FCHSD2: variants seen among roughly 807,000 people sequenced by gnomAD.
FCHSD2 encodes FCH and double SH3 domains 2.
In FCHSD2, 38 loss-of-function variants were observed where a neutral mutation model predicts 108.1. The ratio of observed to expected loss-of-function variants is 0.35; its 90% CI spans 0.27 to 0.46. The LOEUF is 0.46. Among genes scored for constraint, FCHSD2 ranks in the 20% least tolerant of loss-of-function variants. FCHSD2 has a pLI of 1.00. For synonymous variants in FCHSD2, 279 were observed against 314.7 expected, an observed-to-expected ratio of 0.89 and a Z score of 1.20; for missense variants, 751 against 897.8, an observed-to-expected ratio of 0.84 and a Z score of 2.09.
At chr11:72,975,125 A>G (rs2135388782) in intron 8 of FCHSD2, among the ~76,000 whole-genome samples, 1 of 152,346 alleles carries the variant, frequency 6.6e-6, no homozygotes, top group Admixed American at 6.5e-5. Flanking sequence ...AGGGTCATCC[A>G]TGTTATTGCA....
chr11:73,059,487 G>A (rs1171808388), intron 3 of FCHSD2, among the ~76,000 whole-genome samples: 1 of 152,138 alleles, frequency 6.6e-6, no homozygotes, highest in Non-Finnish European at 1.5e-5. Flanking sequence ...TGTCAGATGT[G>A]ACTATCCCTA....
chr11:72,988,993 T>C lies in FCHSD2; in HGVS notation c.492A>G (p.Ala164=), dbSNP rs1170680858. 2 of 1,612,162 alleles carry C rather than the reference T, an allele frequency of 1.2e-6. No individual in the cohort carries two copies. The highest frequency in any genetic ancestry group is 4.5e-5 in the East Asian group (2 of 44,866). ...CCTCGATGTCAGCTTTCTCTCGTAC[T>C]GCATGAGCCATCTGTTCAGTCTCAA... ...KYFETEQMAH[A]VREKADIEAK... Residue 164 remains alanine (A), a synonymous_variant, in exon 6 of 20, where the codon GCA becomes GCG. Transcript: ENST00000409418.
intron 3 of FCHSD2, among the ~76,000 whole-genome samples, chr11:73,079,472 A>G (rs1162605804): frequency 1.3e-5 from 2 of 152,174 alleles, no homozygotes; most frequent in Non-Finnish European, 2.9e-5. Flanking sequence ...TGCTGGGATT[A>G]CAGGCATGAG....
At chr11:72,866,596 G>T (rs1185105185) in intron 13 of FCHSD2, among the ~76,000 whole-genome samples, 3 of 152,116 alleles carry the variant, frequency 2.0e-5, no homozygotes, top group Non-Finnish European at 4.4e-5. Flanking sequence ...AATAACAACT[G>T]GGGAAGTGCT....
At chr11:72,914,102 C>T (rs1855823136) in intron 9 of FCHSD2, among the ~76,000 whole-genome samples, 2 of 152,254 alleles carry the variant, frequency 1.3e-5, no homozygotes, top group African/African-American at 2.4e-5. Flanking sequence ...GCAAACTGCG[C>T]TTCCTGGGTT....
At chr11:72,985,186 A>T in intron 6 of FCHSD2, 70 bp from the exon 7 acceptor site, 1 of 351,282 alleles carries the variant, frequency 2.8e-6, no homozygotes. Flanking sequence ...TACTAAATAT[A>T]TTATTAAAAT....
At chr11:72,872,806 T>C (rs1854889071) in intron 12 of FCHSD2, among the ~76,000 whole-genome samples, 1 of 152,184 alleles carries the variant, frequency 6.6e-6, no homozygotes, top group Non-Finnish European at 1.5e-5. Context: ...TGGGTTTATA[T>C]GTAGGGCTGG....
At chr11:72,896,781 A>G (rs1463636471) in intron 10 of FCHSD2, among the ~76,000 whole-genome samples, 7 of 150,678 alleles carry the variant, frequency 4.6e-5, no homozygotes, top group Non-Finnish European at 7.4e-5. Context: ...AAAAAAAAAA[A>G]AAAAAAAAAG....
intron 2 of FCHSD2, among the ~76,000 whole-genome samples, chr11:73,131,361 CA>C (rs55755311): frequency 0.016 from 1,670 of 101,238 alleles, 15 homozygotes; most frequent in African/African-American, 0.035. Flanking sequence ...ACTAAAAGTA[CA>C]AAAAAAAAAA....
rs1860812819 is a variant in FCHSD2 at position 72,838,835 on chromosome 11, T to A, written c.2179A>T (p.Arg727Trp). ...ACATCTTCAATCTTCTCTGCTGGCC[T>A]TCGGTGATTCTGTGTAGGTGGAGGG... ...APPPPTQNHR[R>W]PAEKIEDVEI... Residue 727 changes from arginine to tryptophan, a missense_variant, in exon 20 of 20, where the codon AGG becomes TGG. By Grantham distance (101) the Arg-to-Trp change is moderately radical. Transcript: ENST00000409418. 1.2e-6 allele frequency: 2 copies of A among 1,608,382 alleles called. No individual in the cohort carries two copies. Among genetic ancestry groups the A allele is most frequent in the Non-Finnish European group, 1.7e-6 (2 of 1,178,268 alleles).
intron 12 of FCHSD2, among the ~76,000 whole-genome samples, chr11:72,886,290 T>C (rs1260453877): frequency 6.6e-6 from 1 of 152,222 alleles, no homozygotes; most frequent in Non-Finnish European, 1.5e-5. Flanking sequence ...CATCTCCTTC[T>C]TTCCTACCTT....
intron 1 of FCHSD2, 144 bp downstream of exon 1, chr11:73,141,712 TG>T: frequency 1.2e-6 from 1 of 849,278 alleles, no homozygotes; most frequent in Non-Finnish European, 1.7e-6. Flanking sequence ...GCCCCCCACC[TG>T]GAGCCGGCGG....
At position 73,035,254 on chromosome 11, in the gene FCHSD2, G is replaced by A. The variant is rs532986931; in HGVS notation, c.166-19369C>T. Among the ~76,000 whole-genome samples, 53 of 152,218 alleles carry A rather than the reference G, an allele frequency of 3.5e-4. 1 individual carries two copies. In the South Asian group the frequency reaches 9.5e-3, roughly 27 times the overall value. ...GTCACCCAGGTTGGAGCGCAGTGGCGCGATCTTGGCTCACTTGCAACCTCC... is the reference window on the plus strand; with the variant it reads ...GTCACCCAGGTTGGAGCGCAGTGGCACGATCTTGGCTCACTTGCAACCTCC... On this transcript the variant is annotated intron_variant, in intron 3 of 19. Transcript: ENST00000409418.
chr11:73,019,790 G>C (rs532938778), intron 3 of FCHSD2, among the ~76,000 whole-genome samples: 1 of 151,984 alleles, frequency 6.6e-6, no homozygotes, highest in African/African-American at 2.4e-5. Context: ...AAATTAACTG[G>C]TTTCCTCTAT....
intron 8 of FCHSD2, among the ~76,000 whole-genome samples, chr11:72,927,887 T>C (rs554246989): frequency 2.6e-5 from 4 of 152,362 alleles, no homozygotes; most frequent in South Asian, 4.1e-4. Flanking sequence ...CTACTTTAGA[T>C]GCAAGACAGG....
intron 9 of FCHSD2, among the ~76,000 whole-genome samples, chr11:72,908,513 C>G (rs1311004719): frequency 6.6e-6 from 1 of 152,172 alleles, no homozygotes; most frequent in African/African-American, 2.4e-5. Context: ...TATACAAGGG[C>G]TCCCTTTTCT....
chr11:72,913,486 C>T (rs951001330), intron 9 of FCHSD2, among the ~76,000 whole-genome samples: 3 of 152,092 alleles, frequency 2.0e-5, no homozygotes, highest in African/African-American at 7.2e-5. Context: ...CCAGGCTGAT[C>T]GCGAACTCCT....
At chr11:72,970,692 C>G (rs1327129814) in intron 8 of FCHSD2, among the ~76,000 whole-genome samples, 1 of 152,174 alleles carries the variant, frequency 6.6e-6, no homozygotes, top group Non-Finnish European at 1.5e-5. Context: ...CTGCCGACAT[C>G]CCACTCACAT....
At chr11:73,044,485 T>A (rs1009435327) in intron 3 of FCHSD2, among the ~76,000 whole-genome samples, 1 of 151,870 alleles carries the variant, frequency 6.6e-6, no homozygotes, top group Non-Finnish European at 1.5e-5. Context: ...GAGGCTGAAG[T>A]GAGATCACTT....
Sources: allele counts gnomAD v4.1 joint callset (sites outside exome capture counted in the v4.1 genomes callset), GRCh38; gene constraint gnomAD v4.1.1; transcripts MANE v1.5; gene names NCBI Gene and HGNC (gene_info 2026-07-23, HGNC 2026-07-21).